Variants in DNAH12 observed in about 807,000 individuals in gnomAD.
The protein encoded by DNAH12 is axonemal beta dynein heavy chain 12.
DNAH12 carries 285 observed loss-of-function variants against 371.5 expected under a neutral mutation model. The observed-to-expected ratio is 0.77, with a 90% confidence interval of 0.70 to 0.85. DNAH12 has a LOEUF of 0.85. Among genes scored for constraint, DNAH12 ranks in the 40% least tolerant of loss-of-function variants. The probability of loss-of-function intolerance (pLI) is 0.00; values close to 1 mark genes in which losing one functional copy is unlikely to be tolerated. For missense variants in DNAH12, 3,611 were observed against 3,689.4 expected (o/e 0.98, Z 0.55); for synonymous variants, 1,200 against 1,213.0 (o/e 0.99, Z 0.22).
the DNAH12 span, among the ~76,000 whole-genome samples, chr3:57,552,797 G>A: frequency 6.6e-6 from 1 of 151,988 alleles, no homozygotes. Context: ...ACCTAAAGTA[G>A]GAGACCAAGG....
At chr3:57,381,599 T>C (rs1028800581) in intron 50 of DNAH12, among the ~76,000 whole-genome samples, 4 of 152,156 alleles carry the variant, frequency 2.6e-5, no homozygotes, top group Admixed American at 1.3e-4. Flanking sequence ...ATGAGTACCA[T>C]CTTTTTTTAA....
At chr3:57,468,365 G>A (rs1464321910) in intron 17 of DNAH12, among the ~76,000 whole-genome samples, 1 of 152,166 alleles carries the variant, frequency 6.6e-6, no homozygotes, top group Non-Finnish European at 1.5e-5. Flanking sequence ...GCTCATGCCT[G>A]TAATCCCAGC....
intron 4 of DNAH12, among the ~76,000 whole-genome samples, chr3:57,513,610 T>C (rs1166205235): frequency 5.9e-5 from 9 of 152,058 alleles, no homozygotes; most frequent in Admixed American, 3.9e-4. Context: ...GGAAATAACA[T>C]CAAAACTACA....
rs1464490116 is a variant in DNAH12 at position 57,296,914 on chromosome 3, G to C, written c.11465C>G (p.Thr3822Ser). ...SGFFFTQAFL[T>S]GAMQNYARKY... ...TCTGGCATAATTCTGCATAGCTCCA[G>C]TTAAAAAGGCCTGAGTGAAAAAGAA... is the stretch of plus-strand genomic sequence containing the variant. The change falls in exon 71 of 74, where the codon ACT (threonine) becomes AGT (serine). Residue 3822 changes from threonine to serine, a missense_variant. Around this residue, in one of 3 missense-constraint regions of DNAH12, gnomAD observed 2,266 missense variants for 2,236.9 expected, o/e 1.01. Coordinates refer to ENST00000495027, the MANE Select transcript of DNAH12 (RefSeq NM_001366028.2). The C allele has an allele frequency of 2.6e-6, 4 of 1,551,528 alleles. No homozygotes were observed. In the African/African-American group the frequency reaches 5.5e-5, roughly 21 times the overall value.
intron 62 of DNAH12, among the ~76,000 whole-genome samples, chr3:57,333,379 G>A (rs1013254960): frequency 1.4e-5 from 2 of 140,928 alleles, no homozygotes; most frequent in Non-Finnish European, 3.0e-5. Context: ...CACCCAGGCT[G>A]TAGCGCAGTG....
intron 65 of DNAH12, among the ~76,000 whole-genome samples, chr3:57,321,142 C>G (rs561199035): frequency 6.6e-6 from 1 of 152,134 alleles, no homozygotes; most frequent in Non-Finnish European, 1.5e-5. Context: ...CTCTTTCTTG[C>G]CCTCGCTCTT....
intron 27 of DNAH12, among the ~76,000 whole-genome samples, 170 bp downstream of exon 27, chr3:57,445,861 G>A (rs2065475206): frequency 6.6e-6 from 1 of 151,982 alleles, no homozygotes; most frequent in Non-Finnish European, 1.5e-5. Flanking sequence ...AGTGGTGTGT[G>A]CCTCTAGTCC....
intron 13 of DNAH12, among the ~76,000 whole-genome samples, chr3:57,480,118 C>T (rs1212209478): frequency 6.6e-6 from 1 of 151,922 alleles, no homozygotes; most frequent in Admixed American, 6.6e-5. Context: ...TTCAAAAAAT[C>T]AATGAATCCA....
At chr3:57,508,255 A>AT in intron 7 of DNAH12, 127 bp downstream of exon 7, 1 of 1,001,278 alleles carries the variant, frequency 1.0e-6, no homozygotes, top group Non-Finnish European at 1.4e-6. Context: ...AACAAGATAC[A>AT]TTTTTTTAAA....
Position 57,410,107 on chromosome 3 carries a change from T to C in DNAH12, c.6021-1572A>G, listed in dbSNP as rs1202195066. On this transcript the variant is annotated intron_variant, in intron 39 of 73. Transcript: ENST00000495027. The stretch of plus-strand genomic sequence containing the variant: ...AATTATTTTCAATAATTGAAACTAA[T>C]AGTTGAAAAGTGCAGGCATACCCCA... Among the ~76,000 whole-genome samples, 5 of 152,218 alleles carry C rather than the reference T, an allele frequency of 3.3e-5. No homozygotes were observed. The South Asian group carries it at 8.3e-4, about 25-fold the overall frequency.
chr3:57,428,903 T>C (rs1559648816), intron 33 of DNAH12, 82 bp from the exon 34 acceptor site: 1 of 1,330,924 alleles, frequency 7.5e-7, no homozygotes, highest in East Asian at 2.5e-5. Context: ...TTAAGATGAC[T>C]TATGAGATCC....
Position 57,446,153 on chromosome 3 carries a change from G to GA in DNAH12, c.4056dup (p.Gln1353SerfsTer10). ...AAAACAAACACAACCAACTTCTGTT[G>GA]AATAGCTCTCTGAATGCAAAGGATC... On this transcript the variant is annotated frameshift_variant, in exon 27 of 74. Transcript: ENST00000495027. LOFTEE classifies it high-confidence loss of function. 3 of 1,551,604 alleles carry GA rather than the reference G, an allele frequency of 1.9e-6. No individual in the cohort carries two copies. Among genetic ancestry groups the GA allele is most frequent in the Non-Finnish European group, 2.6e-6 (3 of 1,147,002 alleles).
intron 69 of DNAH12, among the ~76,000 whole-genome samples, chr3:57,303,412 TTC>T (rs2061404791): frequency 6.7e-6 from 1 of 150,248 alleles, no homozygotes; most frequent in African/African-American, 2.4e-5. Context: ...TCTTTTCTTT[TTC>T]TTTTTTTTTT....
chr3:57,332,236 T>A (rs999680430), intron 62 of DNAH12, among the ~76,000 whole-genome samples: 11 of 152,260 alleles, frequency 7.2e-5, no homozygotes, highest in African/African-American at 2.2e-4. Context: ...AATACTATGA[T>A]CACCTTTCTT....
the DNAH12 span, among the ~76,000 whole-genome samples, chr3:57,551,643 T>G: frequency 6.6e-6 from 1 of 152,190 alleles, no homozygotes; most frequent in Non-Finnish European, 1.5e-5. Context: ...GTAACCCTAA[T>G]TTCTAGTGAC....
At chr3:57,397,444 T>C (rs1389796169) in intron 43 of DNAH12, among the ~76,000 whole-genome samples, 3 of 152,134 alleles carry the variant, frequency 2.0e-5, no homozygotes, top group African/African-American at 7.2e-5. Context: ...AGAAATATAG[T>C]TGAACTTGAG....
chr3:57,309,901 G>T, intron 67 of DNAH12, 47 bp from the exon 68 acceptor site: 1 of 1,494,614 alleles, frequency 6.7e-7, no homozygotes. Context: ...CCTGGATACT[G>T]AAAGGGATGA....
chr3:57,339,879 G>A (rs1352525592), intron 60 of DNAH12, among the ~76,000 whole-genome samples: 3 of 152,094 alleles, frequency 2.0e-5, no homozygotes, highest in Non-Finnish European at 2.9e-5. Flanking sequence ...AGACCAACCT[G>A]GGCAACATGG....
At chr3:57,483,654 A>C in intron 12 of DNAH12, 143 bp from the exon 13 acceptor site, 1 of 1,048,580 alleles carries the variant, frequency 9.5e-7, no homozygotes, top group Non-Finnish European at 1.3e-6. Context: ...TCTTAAAAAT[A>C]TTTAAGCTTG....
Sources: allele counts gnomAD v4.1 joint callset (sites outside exome capture counted in the v4.1 genomes callset), GRCh38; gene constraint gnomAD v4.1.1; regional missense constraint gnomAD v4.1.1; transcripts MANE v1.5; gene names NCBI Gene and HGNC (gene_info 2026-07-23, HGNC 2026-07-21).